Variants in UPF2 observed in about 807,000 individuals in gnomAD.
The protein encoded by UPF2 is UPF2 regulator of nonsense mediated mRNA decay, also known as regulator of nonsense transcripts 2.
A neutral mutation model predicts 141.4 loss-of-function variants in UPF2; 17 were observed. That is an observed-to-expected ratio of 0.12 (90% CI 0.08 to 0.18). The LOEUF is 0.18. Among genes scored for constraint, UPF2 ranks in the 10% least tolerant of loss-of-function variants. The pLI is 1.00. For synonymous variants in UPF2, 540 were observed against 498.0 expected (o/e 1.08, Z -1.12); for missense variants, 1,152 against 1,515.9 (o/e 0.76, Z 3.99).
At chr10:11,958,705 C>CA (rs200344027) in intron 12 of UPF2, among the ~76,000 whole-genome samples, 1,584 of 152,272 alleles carry the variant, frequency 0.01, 23 homozygotes, top group Non-Finnish European at 0.014. Flanking sequence ...TCTTTACCTT[C>CA]ACTGGAAATT....
At chr10:11,946,332 T>A (rs191549602) in intron 16 of UPF2, among the ~76,000 whole-genome samples, 2 of 152,340 alleles carry the variant, frequency 1.3e-5, no homozygotes, top group East Asian at 3.8e-4. Context: ...CACCTTAAAT[T>A]ATGAGTCCTT....
chr10:11,929,962 G>A lies in UPF2; in HGVS notation c.3712C>T (p.Arg1238Cys), dbSNP rs1588523177. The change falls in exon 21 of 22, where the codon CGC becomes TGC. Residue 1238 changes from arginine (R) to cysteine (C), a missense_variant. Arg to Cys is a radical substitution (Grantham distance 180). This residue lies in a region of UPF2 where 66 missense variants were observed against 123.5 expected (regional missense o/e 0.53). Coordinates refer to ENST00000357604, the MANE Select transcript of UPF2 (RefSeq NM_015542.4). ...CGATTGGTGTTTGCTGGAGCTGGGC[G>A]CTGTGCAAGAGACTGCAACATTTCT... ...YQEMLQSLAQ[R>C]PAPANTNRER... 3 of 1,614,192 alleles carry A rather than the reference G, an allele frequency of 1.9e-6. No individual in the cohort carries two copies. The highest frequency in any genetic ancestry group is 1.7e-4 in the Middle Eastern group (1 of 6,058).
At chr10:11,947,159 G>A (rs1833011454) in intron 16 of UPF2, among the ~76,000 whole-genome samples, 1 of 152,098 alleles carries the variant, frequency 6.6e-6, no homozygotes, top group Non-Finnish European at 1.5e-5. Context: ...CCGAGATCAT[G>A]CCACTGCACT....
rs578010897 is a variant in UPF2, at chr10:11,983,660, C to T, written c.1845-4495G>A. ...GTGCTGGGATTACAGGCATGAGCCA[C>T]CGTGCCCGGCCTTGGATTCTTATTT... On this transcript the variant is annotated intron_variant, in intron 8 of 21. Coordinates refer to ENST00000357604, the MANE Select transcript of UPF2 (RefSeq NM_015542.4). Among the ~76,000 whole-genome samples the T allele has an allele frequency of 9.2e-5, 14 of 151,776 alleles. No homozygotes were observed. The South Asian group carries it at 1.0e-3, about 11-fold the overall frequency.
At chr10:11,967,620 G>A (rs766937702) in intron 9 of UPF2, among the ~76,000 whole-genome samples, 166 bp from the exon 10 acceptor site, 19 of 148,496 alleles carry the variant, frequency 1.3e-4, no homozygotes, top group Non-Finnish European at 2.4e-4. Context: ...TGCAATCTTG[G>A]CTCACTGCAA....
chr10:11,995,727 G>A (rs559070378), intron 8 of UPF2, among the ~76,000 whole-genome samples: 6 of 152,182 alleles, frequency 3.9e-5, no homozygotes, highest in Admixed American at 3.9e-4. Context: ...AGGTTGCAGT[G>A]AGCTGAGATC....
rs151313037 is a variant in UPF2, at chr10:11,977,436, A to G, written c.1953+1621T>C. Among the ~76,000 whole-genome samples the G allele has an allele frequency of 3.0e-3, 459 of 152,290 alleles. 7 individuals carry two copies. Among genetic ancestry groups the G allele is most frequent in the Middle Eastern group, 0.01 (3 of 294 alleles). On this transcript the variant is annotated intron_variant, in intron 9 of 21. Transcript: ENST00000357604. The stretch of plus-strand genomic sequence containing the variant: ...TGATATTCTTCCCTTGTAATGAAGC[A>G]TTGCAATAGTACAATAAAAATGCTA...
rs990933889 is a variant in UPF2, at chr10:11,992,257, G to A, written c.1844+5415C>T. On this transcript the variant is annotated intron_variant, in intron 8 of 21. Transcript: ENST00000357604. The surrounding 1 kb of genome is among the most constrained non-coding windows in gnomAD (Gnocchi z 4.1). ...TCATCAATATAAAAATAAGTGAGGG[G>A]GGATGGAAAAGCAGACAGGAAGTCA... is the stretch of plus-strand genomic sequence containing the variant. Among the ~76,000 whole-genome samples the A allele has an allele frequency of 1.3e-5, 2 of 152,088 alleles. No individual in the cohort carries two copies.
Position 11,956,476 on chromosome 10 carries a change from T to C in UPF2, c.2418A>G (p.Lys806=). ...TTATCATACAACAAATAACATAGTC[T>C]TTCACTTCTTGGTCCTGCCAGGGCA... The part of the protein sequence containing the change: ...RKLPWQDQEV[K]DYVICCMINI... The change falls in exon 13 of 22, where the codon AAA becomes AAG. Residue 806 remains lysine, a synonymous_variant. Transcript: ENST00000357604. The surrounding 1 kb of genome is among the most constrained non-coding windows in gnomAD (Gnocchi z 4.2). 1 of 1,614,054 alleles carries C rather than the reference T, an allele frequency of 6.2e-7. No homozygotes were observed.
intron 18 of UPF2, 34 bp downstream of exon 18, chr10:11,942,631 G>A (rs199623480): frequency 3.0e-5 from 48 of 1,586,612 alleles, no homozygotes; most frequent in Non-Finnish European, 4.1e-5. Context: ...GTTTTGTATT[G>A]AGAAGAGTCT....
chr10:12,033,027 T>C (rs1279178611), intron 2 of UPF2, among the ~76,000 whole-genome samples: 2 of 152,100 alleles, frequency 1.3e-5, no homozygotes, highest in African/African-American at 2.4e-5. Flanking sequence ...GGGAAGAAAG[T>C]AGAAGTCCTA....
chr10:12,001,754 C>T lies in UPF2; in HGVS notation c.1576G>A (p.Glu526Lys). The change falls in exon 6 of 22, where the codon GAA becomes AAA. Residue 526 changes from glutamate (E) to lysine (K), a missense_variant. This residue lies in a region of UPF2 where 739 missense variants were observed against 1,032.2 expected (regional missense o/e 0.72). Coordinates refer to ENST00000357604, the MANE Select transcript of UPF2 (RefSeq NM_015542.4). ...DDLELELENL[E>K]INDDTLELEG... ...AATTCTAAGGTGTCATCATTAATTTCTAGATTCTCCAACTCAAGTTCCAAA... is the reference window on the plus strand; with the variant it reads ...AATTCTAAGGTGTCATCATTAATTTTTAGATTCTCCAACTCAAGTTCCAAA... 6.2e-7 allele frequency: 1 copy of T among 1,613,156 alleles called. No individual in the cohort carries two copies. Among genetic ancestry groups the T allele is most frequent in the Non-Finnish European group, 8.5e-7 (1 of 1,179,680 alleles).
rs1335574017 is a variant in UPF2, at chr10:11,939,748, C to A, written c.3378+2917G>T. ...GCCAGGCTGGTCTTGAACTCCTGAC[C>A]TCAGGTGATCCACCCGCCTCGGCCT... On this transcript the variant is annotated intron_variant, in intron 18 of 21. Transcript: ENST00000357604. The surrounding 1 kb of genome is among the most constrained non-coding windows in gnomAD (Gnocchi z 4.8). Among the ~76,000 whole-genome samples the A allele has an allele frequency of 1.3e-5, 2 of 152,038 alleles. No homozygotes were observed. Among genetic ancestry groups the A allele is most frequent in the Non-Finnish European group, 2.9e-5 (2 of 68,002 alleles).
At chr10:11,978,077 C>G (rs1833535302) in intron 9 of UPF2, among the ~76,000 whole-genome samples, 2 of 152,186 alleles carry the variant, frequency 1.3e-5, no homozygotes, top group Non-Finnish European at 2.9e-5. Flanking sequence ...TGGCAATTCA[C>G]CATGCAATTC....
Position 11,982,033 on chromosome 10 carries a change from T to TA in UPF2, c.1845-2869dup, listed in dbSNP as rs1269559509. Reference sequence around the variant, plus strand: ...GTAATAATTTCCCTACTGTTCCTACTATTAAAAAAAAAAAAGCCTGGAGCA... The same window carrying TA: ...GTAATAATTTCCCTACTGTTCCTACTAATTAAAAAAAAAAAAGCCTGGAGCA... On this transcript the variant is annotated intron_variant, in intron 8 of 21. Transcript: ENST00000357604. Among the ~76,000 whole-genome samples, 235 of 63,904 alleles carry TA rather than the reference T, an allele frequency of 3.7e-3. 1 individual carries two copies. The highest frequency in any genetic ancestry group is 9.0e-3 in the African/African-American group (217 of 24,020). 41.9% of individuals were successfully genotyped at this position (63,904 alleles called of 152,430 possible). A position where few individuals can be genotyped will look rare whatever the true frequency, so the allele number is the denominator to read the frequency against.
chr10:12,019,174 G>A lies in UPF2; in HGVS notation c.1146-4990C>T, dbSNP rs139715335. Among the ~76,000 whole-genome samples the A allele has an allele frequency of 6.6e-6, 1 of 152,278 alleles. No homozygotes were observed. Among genetic ancestry groups the A allele is most frequent in the African/African-American group, 2.4e-5 (1 of 41,554 alleles). ...AAGTAGAGGTCAGCAAACTTTTTCT[G>A]TAAAGGGCCATACAATACATATTTC... On this transcript the variant is annotated intron_variant, in intron 3 of 21. Transcript: ENST00000357604. This position sits in a 1 kb window ranked among gnomAD's most constrained non-coding sequence, Gnocchi z 4.5.
Position 11,935,082 on chromosome 10 carries a change from G to C in UPF2, c.3546+1463C>G. 6.6e-6 allele frequency among the ~76,000 whole-genome samples: 1 copy of C among 152,148 alleles called. No homozygotes were observed. The highest frequency in any genetic ancestry group is 1.5e-5 in the Non-Finnish European group (1 of 68,016). The stretch of plus-strand genomic sequence containing the variant: ...GATAAAATTTAGGCATCATCTGTTT[G>C]AGGCTGTGCTAGTGGGGAGGACATC... On this transcript the variant is annotated intron_variant, in intron 19 of 21. Transcript: ENST00000357604. This position sits in a 1 kb window ranked among gnomAD's most constrained non-coding sequence, Gnocchi z 4.9.
At chr10:12,026,526 T>G in intron 3 of UPF2, 1 of 403,634 alleles carries the variant, frequency 2.5e-6, no homozygotes, top group South Asian at 1.9e-5. Context: ...TGGACACATA[T>G]GTCCTCTACT....
At chr10:11,947,814 T>C (rs1440004522) in intron 16 of UPF2, among the ~76,000 whole-genome samples, 1 of 138,366 alleles carries the variant, frequency 7.2e-6, no homozygotes, top group Non-Finnish European at 1.6e-5. Context: ...AAAAAAGACA[T>C]GTGGAGATCA....
Sources: gnomAD v4.1 joint callset for allele counts (sites outside exome capture counted in the v4.1 genomes callset) on GRCh38, gnomAD v4.1.1 for gene constraint, gnomAD v4.1.1 regional missense constraint, Gnocchi (gnomAD v3.1) non-coding constraint, MANE v1.5 for transcripts, NCBI Gene and HGNC (gene_info 2026-07-23, HGNC 2026-07-21) for gene names.